EXOG: variants seen among roughly 807,000 people sequenced by gnomAD.
EXOG encodes nuclease EXOG, mitochondrial.
EXOG carries 27 observed loss-of-function variants against 25.8 expected under a neutral mutation model. The ratio of observed to expected loss-of-function variants is 1.05; its 90% CI spans 0.77 to 1.45. EXOG has a LOEUF of 1.45. Among genes scored for constraint, EXOG ranks in the 40% most tolerant of loss-of-function variants. EXOG has a pLI of 0.00. For synonymous variants in EXOG, 133 were observed against 167.0 expected (o/e 0.80, Z 1.57); for missense variants, 458 against 450.5 (o/e 1.02, Z -0.15).
At chr3:38,511,095 A>G (rs1049726084) in intron 5 of EXOG, among the ~76,000 whole-genome samples, 2 of 152,240 alleles carry the variant, frequency 1.3e-5, no homozygotes, top group African/African-American at 4.8e-5. Flanking sequence ...GAAGGTATAC[A>G]GAATTGTAAA....
At chr3:38,507,052 A>G (rs1376478214) in intron 5 of EXOG, 84 bp downstream of exon 5, 1 of 609,880 alleles carries the variant, frequency 1.6e-6, no homozygotes, top group Non-Finnish European at 2.8e-6. Flanking sequence ...TTTTATTTTT[A>G]TCATTCAAAA....
At chr3:38,501,101 C>G in intron 2 of EXOG, 1 of 325,210 alleles carries the variant, frequency 3.1e-6, no homozygotes, top group East Asian at 5.0e-5. Context: ...AGGAGTTTTT[C>G]TTTAACTGGA....
rs1308948228 is a variant in EXOG at position 38,504,911 on chromosome 3, T to G, written c.530+1220T>G. ...GTTTAAAATAATGAAGAGAGCACCC[T>G]GCACCAATGAGAGACTTCAGCAGTT... On this transcript the variant is annotated intron_variant, in intron 4 of 5. Coordinates refer to ENST00000287675, the MANE Select transcript of EXOG (RefSeq NM_005107.4). 2.0e-5 allele frequency among the ~76,000 whole-genome samples: 3 copies of G among 152,332 alleles called. No individual in the cohort carries two copies. In the East Asian group the frequency reaches 5.8e-4, roughly 29 times the overall value.
chr3:38,507,112 G>T, intron 5 of EXOG, 144 bp downstream of exon 5: 1 of 500,428 alleles, frequency 2.0e-6, no homozygotes, highest in African/African-American at 2.0e-5. Flanking sequence ...AATATTTATT[G>T]AACACCTATT....
chr3:38,506,487 C>T (rs571068884), intron 4 of EXOG, among the ~76,000 whole-genome samples: 1 of 152,200 alleles, frequency 6.6e-6, no homozygotes, highest in African/African-American at 2.4e-5. Flanking sequence ...AATTGTCCTG[C>T]AAGAGGAATG....
At position 38,524,617 on chromosome 3, in the gene EXOG, A is replaced by C; in HGVS notation, c.*255A>C. 3 of 1,158,564 alleles carry C rather than the reference A, an allele frequency of 2.6e-6. No individual in the cohort carries two copies. Among genetic ancestry groups the C allele is most frequent in the Non-Finnish European group, 3.2e-6 (3 of 941,588 alleles). 71.8% of individuals were successfully genotyped at this position (1,158,564 alleles called of 1,614,324 possible). A position where few individuals can be genotyped will look rare whatever the true frequency, so the allele number is the denominator to read the frequency against. ...ACTACAGGCACACACCATCACCCTCAGCTACTAGTGGCTTTGCTTTAAAGA... is the reference window on the plus strand; with the variant it reads ...ACTACAGGCACACACCATCACCCTCCGCTACTAGTGGCTTTGCTTTAAAGA... On this transcript the variant is annotated 3_prime_UTR_variant, in exon 6 of 6. Coordinates refer to ENST00000287675, the MANE Select transcript of EXOG (RefSeq NM_005107.4).
chr3:38,518,639 G>A (rs1419565665), intron 5 of EXOG, among the ~76,000 whole-genome samples: 1 of 152,098 alleles, frequency 6.6e-6, no homozygotes, highest in Non-Finnish European at 1.5e-5. Context: ...CCAATAAAAG[G>A]GTTTATTTAG....
At chr3:38,513,723 T>C (rs900970291) in intron 5 of EXOG, 1 of 152,244 alleles carries the variant, frequency 6.6e-6, no homozygotes, top group African/African-American at 2.4e-5. Context: ...TCATTCCCTT[T>C]CTTCTTTCCT....
intron 5 of EXOG, among the ~76,000 whole-genome samples, chr3:38,521,587 G>T (rs539235911): frequency 2.6e-5 from 4 of 152,334 alleles, no homozygotes; most frequent in South Asian, 2.1e-4. Flanking sequence ...CCACAAGGTG[G>T]CGCAAAGACT....
At chr3:38,508,929 A>T (rs1010817140) in intron 5 of EXOG, among the ~76,000 whole-genome samples, 1 of 152,126 alleles carries the variant, frequency 6.6e-6, no homozygotes, top group African/African-American at 2.4e-5. Flanking sequence ...GTTTTCAAGG[A>T]TTTGTACATC....
At position 38,524,387 on chromosome 3, in the gene EXOG, C is replaced by A; in HGVS notation, c.*25C>A. On this transcript the variant is annotated 3_prime_UTR_variant, in exon 6 of 6. Coordinates refer to ENST00000287675, the MANE Select transcript of EXOG (RefSeq NM_005107.4). ...GTTTTTATCTCAAGATGTGTCATAC[C>A]GTCTGTAATGAAGCAGGCATGCCCT... 1.3e-6 allele frequency: 2 copies of A among 1,565,412 alleles called. No homozygotes were observed. Among genetic ancestry groups the A allele is most frequent in the South Asian group, 1.2e-5 (1 of 81,940 alleles).
chr3:38,522,555 A>C (rs1390870457), intron 5 of EXOG, among the ~76,000 whole-genome samples: 1 of 152,090 alleles, frequency 6.6e-6, no homozygotes, highest in Non-Finnish European at 1.5e-5. Flanking sequence ...CCCAGGCTGG[A>C]GTGTAGTGTC....
At chr3:38,514,826 A>G (rs986737046) in intron 5 of EXOG, among the ~76,000 whole-genome samples, 10 of 117,926 alleles carry the variant, frequency 8.5e-5, no homozygotes, top group African/African-American at 2.7e-4. Context: ...GCTGGAGTGC[A>G]GTGGTGCGAT....
chr3:38,514,778 C>T (rs188814970), intron 5 of EXOG, among the ~76,000 whole-genome samples: 2 of 113,616 alleles, frequency 1.8e-5, no homozygotes, highest in African/African-American at 3.5e-5. Context: ...CCTCCCCCTG[C>T]TTTTTTTTTT....
At chr3:38,509,883 A>G (rs1017253037) in intron 5 of EXOG, among the ~76,000 whole-genome samples, 2 of 152,352 alleles carry the variant, frequency 1.3e-5, no homozygotes, top group South Asian at 2.1e-4. Context: ...AGAATGAAAG[A>G]GTTATACAAA....
At chr3:38,507,919 T>G (rs1389158424) in intron 5 of EXOG, among the ~76,000 whole-genome samples, 1 of 152,002 alleles carries the variant, frequency 6.6e-6, no homozygotes, top group Non-Finnish European at 1.5e-5. Context: ...GATCACGAGG[T>G]CAGGAGTTCG....
chr3:38,524,034 C>A lies in EXOG; in HGVS notation c.779C>A (p.Pro260His). 1 of 1,614,160 alleles carries A rather than the reference C, an allele frequency of 6.2e-7. No individual in the cohort carries two copies. The highest frequency in any genetic ancestry group is 1.7e-5 in the Admixed American group (1 of 60,032). ...CCCAATGAAGCCATCGGCTTCCAGC[C>A]CCAGTTAACTGAATTCCAAGTGAGC... ...VVPNEAIGFQ[P>H]QLTEFQVSLQ... is the part of the protein sequence containing the mutation. The change falls in exon 6 of 6, where the codon CCC becomes CAC. Residue 260 changes from proline to histidine, a missense_variant. Pro to His is a moderately conservative substitution (Grantham distance 77). Coordinates refer to ENST00000287675, the MANE Select transcript of EXOG (RefSeq NM_005107.4).
intron 5 of EXOG, among the ~76,000 whole-genome samples, chr3:38,514,778 C>CCCCTT (rs552262186): frequency 6.3e-4 from 71 of 113,474 alleles, no homozygotes; most frequent in African/African-American, 1.3e-3. Flanking sequence ...CCTCCCCCTG[C>CCCCTT]TTTTTTTTTT....
chr3:38,508,063 G>A (rs1229931629), intron 5 of EXOG, among the ~76,000 whole-genome samples: 1 of 152,052 alleles, frequency 6.6e-6, no homozygotes, highest in African/African-American at 2.4e-5. Flanking sequence ...CCCAGGAGGC[G>A]GAGGTTGCAC....
Sources: allele counts gnomAD v4.1 joint callset (sites outside exome capture counted in the v4.1 genomes callset), GRCh38; gene constraint gnomAD v4.1.1; transcripts MANE v1.5; gene names NCBI Gene and HGNC (gene_info 2026-07-23, HGNC 2026-07-21).